The following PRKN variants were observed in gnomAD, a reference collection of about 807,000 sequenced individuals.
PRKN encodes E3 ubiquitin-protein ligase parkin.
In PRKN, 56 loss-of-function variants were observed where a neutral mutation model predicts 59.5. The observed-to-expected ratio is 0.94, with a 90% CI of 0.76 to 1.18. The LOEUF (loss-of-function observed/expected upper bound fraction) is 1.18. Among genes scored for constraint, PRKN ranks in the 50% most tolerant of loss-of-function variants. PRKN has a pLI of 0.00. For missense variants in PRKN, 657 were observed against 596.4 expected, an observed-to-expected ratio of 1.10 and a Z score of -1.06; for synonymous variants, 250 against 222.1, an observed-to-expected ratio of 1.13 and a Z score of -1.12.
chr6:162,565,893 T>C (rs1425263876), intron 1 of PRKN, among the ~76,000 whole-genome samples: 1 of 152,106 alleles, frequency 6.6e-6, no homozygotes, highest in Admixed American at 6.5e-5. Context: ...GAAGAAGATA[T>C]TCTATGCTAA....
rs76908654 is a variant in PRKN at position 161,634,659 on chromosome 6, G to C, written c.872-65243C>G. On this transcript the variant is annotated intron_variant, in intron 7 of 11. Coordinates refer to ENST00000366898, the MANE Select transcript of PRKN (RefSeq NM_004562.3). ...GTGGGCTCGCCATCCTTTGGGGTTGGTCTTCCCAGGAGAGAAGAGCCGTGG... is the reference window on the plus strand; with the variant it reads ...GTGGGCTCGCCATCCTTTGGGGTTGCTCTTCCCAGGAGAGAAGAGCCGTGG... Among the ~76,000 whole-genome samples, 764 of 152,230 alleles carry C rather than the reference G, an allele frequency of 5.0e-3. 12 individuals carry two copies. In the East Asian group the frequency reaches 0.058, roughly 12 times the overall value.
Position 162,235,985 on chromosome 6 carries a change from GAA to G in PRKN, c.412+26538_412+26539del, listed in dbSNP as rs752192780. ...AGAAAGAAAGAAAGAAAGAAAGAAA[GAA>G]AGAAAGAAAGAAAGAAAGAAAGAAA... On this transcript the variant is annotated intron_variant, in intron 3 of 11. Transcript: ENST00000366898. Among the ~76,000 whole-genome samples, 92 of 98,812 alleles carry G rather than the reference GAA, an allele frequency of 9.3e-4. 2 individuals carry two copies. The highest frequency in any genetic ancestry group is 4.2e-3 in the African/African-American group (89 of 21,028). 64.8% of individuals were successfully genotyped at this position (98,812 alleles called of 152,430 possible). A position where few individuals can be genotyped will look rare whatever the true frequency, so the allele number is the denominator to read the frequency against.
At chr6:161,995,754 C>T (rs1781817293) in intron 5 of PRKN, among the ~76,000 whole-genome samples, 1 of 152,058 alleles carries the variant, frequency 6.6e-6, no homozygotes, top group Non-Finnish European at 1.5e-5. Flanking sequence ...CACAAAATAA[C>T]AAATGTTGGT....
chr6:161,572,337 C>T lies in PRKN; in HGVS notation c.872-2921G>A, dbSNP rs1052569714. 3.3e-5 allele frequency among the ~76,000 whole-genome samples: 5 copies of T among 152,038 alleles called. No homozygotes were observed. In the South Asian group the frequency reaches 6.2e-4, roughly 19 times the overall value. On this transcript the variant is annotated intron_variant, in intron 7 of 11. Coordinates refer to ENST00000366898, the MANE Select transcript of PRKN (RefSeq NM_004562.3). ...AAAATGTGAACAAAATTTAAACACA[C>T]GTGTAAACAGGTGATGCCACCAAGA...
At chr6:161,556,306 A>G (rs1219841543) in intron 8 of PRKN, among the ~76,000 whole-genome samples, 1 of 152,226 alleles carries the variant, frequency 6.6e-6, no homozygotes, top group African/African-American at 2.4e-5. Flanking sequence ...ATTAAAAAGT[A>G]CACACAATAC....
intron 3 of PRKN, among the ~76,000 whole-genome samples, chr6:162,211,247 T>C (rs934041697): frequency 6.6e-6 from 1 of 152,186 alleles, no homozygotes; most frequent in African/African-American, 2.4e-5. Context: ...CTGCAGGTGC[T>C]GGCTCACTAC....
intron 5 of PRKN, among the ~76,000 whole-genome samples, chr6:162,034,174 T>C (rs1266090031): frequency 1.6e-5 from 2 of 122,230 alleles, no homozygotes; most frequent in South Asian, 2.6e-4. Flanking sequence ...CATACATATA[T>C]ATATATATAT....
chr6:162,078,856 ATACT>A (rs202081192), intron 4 of PRKN, among the ~76,000 whole-genome samples: 1,726 of 130,588 alleles, frequency 0.013, 44 homozygotes, highest in African/African-American at 0.048. Flanking sequence ...AAGATTATTA[ATACT>A]TAATAATTAA....
intron 1 of PRKN, chr6:162,569,168 T>A (rs1780209410): frequency 1.7e-6 from 1 of 593,808 alleles, no homozygotes; most frequent in Non-Finnish European, 3.1e-6. Flanking sequence ...AGATCAAGTA[T>A]AAGGAGCTGC....
intron 3 of PRKN, among the ~76,000 whole-genome samples, chr6:162,217,644 G>A (rs1172310952): frequency 1.3e-5 from 2 of 152,104 alleles, no homozygotes; most frequent in Non-Finnish European, 1.5e-5. Context: ...TGCCCACCTC[G>A]CCCTCCCAAA....
intron 1 of PRKN, among the ~76,000 whole-genome samples, chr6:162,579,708 TCA>T (rs1406911736): frequency 4.0e-5 from 6 of 151,118 alleles, no homozygotes; most frequent in Admixed American, 1.3e-4. Flanking sequence ...CACACAAATT[TCA>T]CACACACAAA....
rs1017159724 is a variant in PRKN, at chr6:161,484,939, C to T, written c.1083+63915G>A. On this transcript the variant is annotated intron_variant, in intron 9 of 11. Coordinates refer to ENST00000366898, the MANE Select transcript of PRKN (RefSeq NM_004562.3). This position sits in a 1 kb window ranked among gnomAD's most constrained non-coding sequence, Gnocchi z 4.9. ...GCTCCTAACCACCTGCCTTTGCTGC[C>T]GCCGGCTTCCCCCTGCTTCTTTGAG... Among the ~76,000 whole-genome samples the T allele has an allele frequency of 6.6e-6, 1 of 152,132 alleles. No homozygotes were observed. Among genetic ancestry groups the T allele is most frequent in the Non-Finnish European group, 1.5e-5 (1 of 68,024 alleles).
chr6:162,216,552 A>C (rs1018259535), intron 3 of PRKN, among the ~76,000 whole-genome samples: 5 of 150,702 alleles, frequency 3.3e-5, no homozygotes, highest in African/African-American at 7.3e-5. Context: ...AAAAAAAAAA[A>C]AAAAAAAAAA....
At chr6:161,795,149 G>T (rs1200307899) in intron 6 of PRKN, among the ~76,000 whole-genome samples, 2 of 151,404 alleles carry the variant, frequency 1.3e-5, no homozygotes, top group African/African-American at 4.9e-5. Context: ...CTCCCAAAGT[G>T]CTGGGATTAC....
At chr6:162,117,878 C>A (rs950204085) in intron 4 of PRKN, among the ~76,000 whole-genome samples, 4 of 151,660 alleles carry the variant, frequency 2.6e-5, no homozygotes, top group African/African-American at 9.7e-5. Context: ...GGGTGGATTG[C>A]CTGAGGTCAG....
At chr6:161,716,396 C>G (rs149732279) in intron 7 of PRKN, among the ~76,000 whole-genome samples, 385 of 152,216 alleles carry the variant, frequency 2.5e-3, no homozygotes, top group African/African-American at 8.5e-3. Flanking sequence ...GTATAGAAAT[C>G]TGTTTTCCTT....
In PRKN at chr6:162,384,789, G is replaced by T. The variant is rs73602286; in HGVS notation, c.171+58521C>A. On this transcript the variant is annotated intron_variant, in intron 2 of 11. Coordinates refer to ENST00000366898, the MANE Select transcript of PRKN (RefSeq NM_004562.3). ...TTCTTTAAATTGTCTTATATGGCGG[G>T]TATTACTTTTTCCTATTTCACAGGT... Among the ~76,000 whole-genome samples the T allele has an allele frequency of 3.9e-3, 597 of 152,196 alleles. 7 individuals carry two copies. The highest frequency in any genetic ancestry group is 0.014 in the African/African-American group (573 of 41,520).
At chr6:161,662,623 G>A (rs886987130) in intron 7 of PRKN, among the ~76,000 whole-genome samples, 4 of 152,008 alleles carry the variant, frequency 2.6e-5, no homozygotes, top group Admixed American at 6.6e-5. Flanking sequence ...TCCTAGCTCT[G>A]CCACCAGACC....
chr6:162,572,096 T>C (rs1197196832), intron 1 of PRKN, among the ~76,000 whole-genome samples: 2 of 152,148 alleles, frequency 1.3e-5, no homozygotes, highest in Admixed American at 1.3e-4. Flanking sequence ...CACCTAGACT[T>C]GAGCTCTGGC....
Sources: gnomAD v4.1 joint callset for allele counts (sites outside exome capture counted in the v4.1 genomes callset) on GRCh38, gnomAD v4.1.1 for gene constraint, Gnocchi (gnomAD v3.1) non-coding constraint, MANE v1.5 for transcripts, NCBI Gene and HGNC (gene_info 2026-07-23, HGNC 2026-07-21) for gene names.